EWSR1: variants seen among roughly 807,000 people sequenced by gnomAD.
The protein encoded by EWSR1 is EWS RNA binding protein 1.
A neutral mutation model predicts 92.1 loss-of-function variants in EWSR1; 14 were observed. That is an observed-to-expected ratio of 0.15 (90% CI 0.10 to 0.24). The LOEUF (loss-of-function observed/expected upper bound fraction) is 0.24, where lower values mean the gene tolerates loss of function less well. Ranked by LOEUF, EWSR1 falls within the 10% of genes least tolerant of loss-of-function variation. EWSR1 has a pLI of 1.00. For synonymous variants in EWSR1, 303 were observed against 292.9 expected (o/e 1.03, Z -0.35); for missense variants, 637 against 870.9 (o/e 0.73, Z 3.38).
At chr22:29,297,199 T>G (rs2060927551) in intron 12 of EWSR1, among the ~76,000 whole-genome samples, 1 of 152,146 alleles carries the variant, frequency 6.6e-6, no homozygotes, top group Non-Finnish European at 1.5e-5. Flanking sequence ...CAGGCTGGAG[T>G]GCAGTGACAC....
At chr22:29,282,197 A>G (rs554543205) in intron 5 of EWSR1, among the ~76,000 whole-genome samples, 193 bp from the exon 6 acceptor site, 1 of 152,260 alleles carries the variant, frequency 6.6e-6, no homozygotes, top group South Asian at 2.1e-4. Context: ...CTTCAAGCAA[A>G]TATAGTTGGA....
intron 6 of EWSR1, among the ~76,000 whole-genome samples, chr22:29,283,991 C>T (rs2059822169): frequency 6.6e-6 from 1 of 151,256 alleles, no homozygotes. Context: ...GACGCCACCA[C>T]AACCGGCTAA....
Position 29,282,557 on chromosome 22 carries a change from G to A in EWSR1, c.581G>A (p.Ser194Asn). The A allele has an allele frequency of 6.7e-7, 1 of 1,502,496 alleles. No individual in the cohort carries two copies. The highest frequency in any genetic ancestry group is 1.4e-5 in the African/African-American group (1 of 69,146). 93.1% of individuals were successfully genotyped at this position (1,502,496 alleles called of 1,614,324 possible). A position where few individuals can be genotyped will look rare whatever the true frequency, so the allele number is the denominator to read the frequency against. Residue 194 changes from serine to asparagine, a missense_variant and splice_region_variant, in exon 6 of 17, where the codon AGC (serine) becomes AAC (asparagine). Ser to Asn is a conservative substitution (Grantham distance 46). Transcript: ENST00000397938. ...VTAPPSYPPT[S>N]YSSTQPTSYD... is the part of the protein sequence containing the mutation. ...GCACCTCCATCCTACCCTCCTACCAGGTCAGTCTACTTTTTGTGGCAAAAC... is the reference window on the plus strand; with the variant it reads ...GCACCTCCATCCTACCCTCCTACCAAGTCAGTCTACTTTTTGTGGCAAAAC...
chr22:29,300,202 T>C lies in EWSR1; in HGVS notation c.*41T>C. ...AGAGCTGCATTGACTACCAGATTTATTTTTTAAACCAGAAAATGTTTTAAA... is the reference window on the plus strand; with the variant it reads ...AGAGCTGCATTGACTACCAGATTTACTTTTTAAACCAGAAAATGTTTTAAA... On this transcript the variant is annotated 3_prime_UTR_variant, in exon 17 of 17. Coordinates refer to ENST00000397938, the MANE Select transcript of EWSR1 (RefSeq NM_005243.4). 6.3e-7 allele frequency: 1 copy of C among 1,581,328 alleles called. No individual in the cohort carries two copies. The highest frequency in any genetic ancestry group is 8.6e-7 in the Non-Finnish European group (1 of 1,156,484).
chr22:29,294,266 G>C (rs964146148), intron 11 of EWSR1, among the ~76,000 whole-genome samples: 1 of 152,062 alleles, frequency 6.6e-6, no homozygotes, highest in African/African-American at 2.4e-5. Context: ...TGTGGTTAAG[G>C]GTCTTCGTTA....
At chr22:29,278,750 G>A (rs1367902495) in intron 5 of EWSR1, among the ~76,000 whole-genome samples, 5 of 151,900 alleles carry the variant, frequency 3.3e-5, no homozygotes, top group Non-Finnish European at 7.4e-5. Flanking sequence ...TCATGAACCC[G>A]AGAGGCGGAG....
intron 4 of EWSR1, chr22:29,276,720 A>T (rs1459975894): frequency 4.3e-6 from 1 of 230,988 alleles, no homozygotes; most frequent in Non-Finnish European, 8.6e-6. Context: ...CCTAGGCTGG[A>T]TCTTACTGCA....
At chr22:29,281,829 CCCT>C (rs1391775855) in intron 5 of EWSR1, among the ~76,000 whole-genome samples, 1 of 152,246 alleles carries the variant, frequency 6.6e-6, no homozygotes, top group African/African-American at 2.4e-5. Context: ...TCGTGATCCG[CCCT>C]CCTCGGCCTC....
intron 6 of EWSR1, 96 bp downstream of exon 6, chr22:29,282,653 T>G: frequency 1.9e-6 from 2 of 1,043,324 alleles, no homozygotes; most frequent in Non-Finnish European, 2.7e-6. Flanking sequence ...CTAAGGTATG[T>G]TATCTGACTG....
Position 29,297,939 on chromosome 22 carries a change from A to T in EWSR1, c.1407A>T (p.Pro469=), listed in dbSNP as rs2060994867. 1 of 1,612,892 alleles carries T rather than the reference A, an allele frequency of 6.2e-7. No individual in the cohort carries two copies. The highest frequency in any genetic ancestry group is 8.5e-7 in the Non-Finnish European group (1 of 1,179,582). The change falls in exon 13 of 17, where the codon CCA becomes CCT. Residue 469 remains proline, a synonymous_variant. Transcript: ENST00000397938. The part of the protein sequence containing the change: ...PPREGRGMPP[P]LRGGPGGPGG... Reference sequence around the variant, plus strand: ...GTGAGGGCAGAGGCATGCCACCACCACTCCGTGGAGGTACTTTTTCTGAGC... The same window carrying T: ...GTGAGGGCAGAGGCATGCCACCACCTCTCCGTGGAGGTACTTTTTCTGAGC...
intron 13 of EWSR1, among the ~76,000 whole-genome samples, chr22:29,298,467 A>C (rs1412499247): frequency 6.6e-6 from 1 of 150,518 alleles, no homozygotes; most frequent in Non-Finnish European, 1.5e-5. Flanking sequence ...AGATCGTGCC[A>C]CTGCACTCCA....
At chr22:29,292,651 C>A in intron 11 of EWSR1, 45 bp downstream of exon 11, 1 of 1,291,914 alleles carries the variant, frequency 7.7e-7, no homozygotes, top group Non-Finnish European at 1.1e-6. Flanking sequence ...CTTTAAACCA[C>A]AGAGCATTTT....
At chr22:29,289,574 A>C (rs1364418691) in intron 8 of EWSR1, 1 of 232,484 alleles carries the variant, frequency 4.3e-6, no homozygotes, top group Admixed American at 5.6e-5. Flanking sequence ...ATTGGTGGTT[A>C]ACATAATCCA....
chr22:29,295,634 A>G (rs1479803933), intron 11 of EWSR1: 1 of 224,274 alleles, frequency 4.5e-6, no homozygotes, highest in Non-Finnish European at 8.9e-6. Flanking sequence ...TACTGGATAT[A>G]TGTAAACAAT....
At position 29,296,003 on chromosome 22, in the gene EWSR1, A is replaced by ATCTTCT. The variant is rs1457808794; in HGVS notation, c.1165-236_1165-235insTCTTCT. 3 of 397,194 alleles carry ATCTTCT rather than the reference A, an allele frequency of 7.6e-6. No homozygotes were observed. The East Asian group carries it at 1.3e-4, about 17-fold the overall frequency. The allele number at this position is 397,194 out of a possible 1,614,324, so 24.6% of individuals were successfully genotyped here. The stretch of plus-strand genomic sequence containing the variant: ...ACCAGCATCAGAAGATGGCTAAGGC[A>ATCTTCT]GGAGTGGGGCCTATCCTGTTCACTT... On this transcript the variant is annotated intron_variant, in intron 11 of 16. Coordinates refer to ENST00000397938, the MANE Select transcript of EWSR1 (RefSeq NM_005243.4).
intron 1 of EWSR1, 140 bp from the exon 2 acceptor site, chr22:29,272,076 G>T: frequency 1.4e-6 from 1 of 701,084 alleles, no homozygotes; most frequent in East Asian, 2.6e-5. Context: ...GAGAGGTAAG[G>T]GGGACTCATT....
chr22:29,296,107 A>C (rs1161271905), intron 11 of EWSR1, 132 bp from the exon 12 acceptor site: 2 of 918,042 alleles, frequency 2.2e-6, no homozygotes, highest in African/African-American at 3.4e-5. Context: ...AAAAACTTAA[A>C]AGCGGAGAAA....
intron 8 of EWSR1, chr22:29,289,709 A>G (rs2060305093): frequency 4.3e-6 from 1 of 232,564 alleles, no homozygotes; most frequent in Non-Finnish European, 8.5e-6. Context: ...ATTAAATAGC[A>G]TTTTTTAAAA....
intron 6 of EWSR1, among the ~76,000 whole-genome samples, chr22:29,283,266 C>T (rs1354975175): frequency 2.6e-5 from 4 of 152,222 alleles, no homozygotes; most frequent in Non-Finnish European, 5.9e-5. Context: ...AATCATTTTA[C>T]ATTTTACCTA....
Sources: allele counts gnomAD v4.1 joint callset (sites outside exome capture counted in the v4.1 genomes callset), GRCh38; gene constraint gnomAD v4.1.1; transcripts MANE v1.5; gene names NCBI Gene and HGNC (gene_info 2026-07-23, HGNC 2026-07-21).